Variants in BMPER observed in about 807,000 individuals in gnomAD.
The protein encoded by BMPER is BMP binding endothelial regulator.
A neutral mutation model predicts 87.3 loss-of-function variants in BMPER; 45 were observed. The ratio of observed to expected loss-of-function variants is 0.52; its 90% CI spans 0.41 to 0.66. The LOEUF (loss-of-function observed/expected upper bound fraction) is 0.66. BMPER is among the 30% of genes least tolerant of loss of function. The pLI is 0.00. For synonymous variants in BMPER, 326 were observed against 316.2 expected (o/e 1.03, Z -0.33); for missense variants, 784 against 867.5 (o/e 0.90, Z 1.21).
intron 3 of BMPER, among the ~76,000 whole-genome samples, chr7:33,946,454 A>G (rs116961589): frequency 0.032 from 4,845 of 152,312 alleles, 104 homozygotes; most frequent in Non-Finnish European, 0.049. Context: ...AATCACATTC[A>G]AAAAGGGCTG....
intron 13 of BMPER, 38 bp downstream of exon 13, chr7:34,086,130 G>T: frequency 1.3e-6 from 2 of 1,596,526 alleles, no homozygotes; most frequent in South Asian, 2.2e-5. Flanking sequence ...TTGGGTTGCA[G>T]ACCAATAATA....
intron 2 of BMPER, among the ~76,000 whole-genome samples, chr7:33,932,918 A>G (rs546074398): frequency 1.1e-3 from 175 of 152,264 alleles, no homozygotes; most frequent in African/African-American, 3.8e-3. Flanking sequence ...GTGCTCTGCT[A>G]TCTTCTCTGT....
chr7:33,920,965 T>C (rs1784216287), intron 2 of BMPER, among the ~76,000 whole-genome samples: 1 of 152,226 alleles, frequency 6.6e-6, no homozygotes, highest in Non-Finnish European at 1.5e-5. Context: ...TACACAATTA[T>C]CTTGCACATT....
chr7:33,996,380 AC>A (rs1562678601), intron 6 of BMPER, among the ~76,000 whole-genome samples: 1 of 152,008 alleles, frequency 6.6e-6, no homozygotes, highest in Non-Finnish European at 1.5e-5. Context: ...GCTTAAATTC[AC>A]TCTTTAGGAC....
At chr7:34,068,504 A>G (rs752715785) in intron 11 of BMPER, among the ~76,000 whole-genome samples, 10 of 152,210 alleles carry the variant, frequency 6.6e-5, no homozygotes, top group Non-Finnish European at 8.8e-5. Context: ...GCTTTCTTCT[A>G]CTGTGGCATC....
At chr7:34,031,889 T>TAA in intron 6 of BMPER, among the ~76,000 whole-genome samples, 1 of 31,846 alleles carries the variant, frequency 3.1e-5, no homozygotes, top group Non-Finnish European at 5.1e-5. Flanking sequence ...TGACCATATA[T>TAA]ATATATATAT....
chr7:34,122,852 C>T (rs1482951977), intron 13 of BMPER, among the ~76,000 whole-genome samples: 2 of 151,990 alleles, frequency 1.3e-5, no homozygotes, highest in African/African-American at 4.8e-5. Flanking sequence ...TTTTTTAAAT[C>T]GGTATTTACC....
intron 3 of BMPER, among the ~76,000 whole-genome samples, chr7:33,956,926 T>C (rs1015804045): frequency 2.0e-5 from 3 of 152,172 alleles, no homozygotes; most frequent in African/African-American, 7.2e-5. Flanking sequence ...AAGGGTCAAC[T>C]GTAGAGTGAT....
intron 6 of BMPER, among the ~76,000 whole-genome samples, chr7:33,977,103 T>A (rs1484444143): frequency 6.6e-6 from 1 of 152,096 alleles, no homozygotes; most frequent in African/African-American, 2.4e-5. Context: ...AACAATGGAG[T>A]TCTTGCTTGA....
chr7:34,087,533 T>A lies in BMPER; in HGVS notation c.1745+1441T>A, dbSNP rs186894565. Among the ~76,000 whole-genome samples, 4 of 151,962 alleles carry A rather than the reference T, an allele frequency of 2.6e-5. No homozygotes were observed. The East Asian group carries it at 7.7e-4, about 29-fold the overall frequency. On this transcript the variant is annotated intron_variant, in intron 13 of 14. Coordinates refer to ENST00000649409, the MANE Select transcript of BMPER (RefSeq NM_001365308.1). ...ACCTTACTTATCTGTGAAGTGGGGA[T>A]AATAAAAGAACCTACCTTGAAGAGT... is the stretch of plus-strand genomic sequence containing the variant.
At chr7:33,913,495 G>A (rs1255801817) in intron 2 of BMPER, among the ~76,000 whole-genome samples, 1 of 152,178 alleles carries the variant, frequency 6.6e-6, no homozygotes, top group African/African-American at 2.4e-5. Context: ...ATGTTGTGTG[G>A]TCAGGTGAGA....
At position 34,078,951 on chromosome 7, in the gene BMPER, A is replaced by G. The variant is rs770950571; in HGVS notation, c.1173A>G (p.Thr391=). ...AGGGGACGTGTCAGTACGTTTTGAC[A>G]AAAGACTGCTCCTCCCCTGCCTCGC... ...NFQGTCQYVL[T]KDCSSPASPF... is the part of the protein sequence containing the mutation. The change falls in exon 12 of 15, where the codon ACA becomes ACG. Residue 391 remains threonine (T), a synonymous_variant. Coordinates refer to ENST00000649409, the MANE Select transcript of BMPER (RefSeq NM_001365308.1). 4 of 1,614,016 alleles carry G rather than the reference A, an allele frequency of 2.5e-6. No homozygotes were observed. The highest frequency in any genetic ancestry group is 1.7e-5 in the Admixed American group (1 of 60,002).
At chr7:33,922,229 A>G (rs1784250755) in intron 2 of BMPER, among the ~76,000 whole-genome samples, 1 of 152,152 alleles carries the variant, frequency 6.6e-6, no homozygotes, top group African/African-American at 2.4e-5. Context: ...CTGGCATTCC[A>G]TTGTTCCAGG....
At position 33,905,564 on chromosome 7, in the gene BMPER, G is replaced by C. The variant is rs760070803; in HGVS notation, c.-50G>C. 10 of 1,603,156 alleles carry C rather than the reference G, an allele frequency of 6.2e-6. No homozygotes were observed. In the South Asian group the frequency reaches 1.1e-4, roughly 18 times the overall value. The stretch of plus-strand genomic sequence containing the variant: ...GACTGTGAGCTGCGGCAGCTGAGCA[G>C]AGGCGGCGGCGCGGGACCTGCAGTC... On this transcript the variant is annotated 5_prime_UTR_variant, in exon 1 of 15. Coordinates refer to ENST00000649409, the MANE Select transcript of BMPER (RefSeq NM_001365308.1).
chr7:33,944,680 A>G (rs1391907976), intron 3 of BMPER, among the ~76,000 whole-genome samples: 1 of 152,048 alleles, frequency 6.6e-6, no homozygotes, highest in Non-Finnish European at 1.5e-5. Context: ...AAAATTCCTC[A>G]TATTCTATAG....
Position 34,085,637 on chromosome 7 carries a change from C to T in BMPER, c.1409-119C>T, listed in dbSNP as rs564038421. 68 of 971,678 alleles carry T rather than the reference C, an allele frequency of 7.0e-5. No individual in the cohort carries two copies. In the South Asian group the frequency reaches 9.4e-4, roughly 13 times the overall value. 60.2% of individuals were successfully genotyped at this position (971,678 alleles called of 1,614,324 possible). ...GAGGTAACCAAGAATTTGGACCAACCCTTGGTGCTCCTTATTGGAGGACAG... is the reference window on the plus strand; with the variant it reads ...GAGGTAACCAAGAATTTGGACCAACTCTTGGTGCTCCTTATTGGAGGACAG... On this transcript the variant is annotated intron_variant, in intron 12 of 14. Transcript: ENST00000649409.
Position 33,905,787 on chromosome 7 carries a change from G to A in BMPER, c.133+41G>A, listed in dbSNP as rs1382845921. On this transcript the variant is annotated intron_variant, in intron 1 of 14. Transcript: ENST00000649409. ...GGAGGGACCGGCCCTCCGGGACGCC[G>A]GTTTGGTACCTGGGAAAGGTGGCGC... The A allele has an allele frequency of 2.0e-6, 3 of 1,535,262 alleles. No individual in the cohort carries two copies. The African/African-American group carries it at 4.1e-5, about 21-fold the overall frequency.
chr7:34,137,139 T>A (rs1790740066), intron 13 of BMPER, among the ~76,000 whole-genome samples: 1 of 152,178 alleles, frequency 6.6e-6, no homozygotes, highest in South Asian at 2.1e-4. Context: ...TTATTGAAAA[T>A]GTGTGGTTAA....
At chr7:34,108,038 T>G (rs1232128571) in intron 13 of BMPER, among the ~76,000 whole-genome samples, 1 of 152,230 alleles carries the variant, frequency 6.6e-6, no homozygotes, top group Non-Finnish European at 1.5e-5. Flanking sequence ...TTGCCAGTGT[T>G]GAGTACAGGA....
Sources: gnomAD v4.1 joint callset for allele counts (sites outside exome capture counted in the v4.1 genomes callset) on GRCh38, gnomAD v4.1.1 for gene constraint, MANE v1.5 for transcripts, NCBI Gene and HGNC (gene_info 2026-07-23, HGNC 2026-07-21) for gene names.